Variants in ADGRB3 observed in about 807,000 individuals in gnomAD.
ADGRB3 encodes the protein adhesion G protein-coupled receptor B3, also known as brain-specific angiogenesis inhibitor 3.
Under a neutral mutation model 193.4 loss-of-function variants are expected in ADGRB3, and 37 were observed. The ratio of observed to expected loss-of-function variants is 0.19; its 90% CI spans 0.15 to 0.25. The LOEUF (loss-of-function observed/expected upper bound fraction) is 0.25. Among genes scored for constraint, ADGRB3 ranks in the 10% least tolerant of loss-of-function variants. ADGRB3 has a pLI of 1.00. For missense variants in ADGRB3, 1,637 were observed against 1,852.9 expected (o/e 0.88, Z 2.14); for synonymous variants, 690 against 644.2 (o/e 1.07, Z -1.08).
intron 6 of ADGRB3, among the ~76,000 whole-genome samples, chr6:68,945,836 A>T (rs1350894908): frequency 6.6e-6 from 1 of 152,120 alleles, no homozygotes; most frequent in African/African-American, 2.4e-5. Context: ...TCTTAAGTTG[A>T]TATGGTTGTG....
chr6:68,941,984 A>G (rs1767656140), intron 5 of ADGRB3, among the ~76,000 whole-genome samples: 1 of 151,340 alleles, frequency 6.6e-6, no homozygotes, highest in African/African-American at 2.4e-5. Flanking sequence ...TTTTATGGGA[A>G]AAAAGTAAAA....
chr6:69,163,360 T>C (rs1343338325), intron 17 of ADGRB3, among the ~76,000 whole-genome samples: 1 of 152,122 alleles, frequency 6.6e-6, no homozygotes, highest in Admixed American at 6.6e-5. Context: ...GCAGCTTTTT[T>C]CTACCTCTAT....
intron 3 of ADGRB3, among the ~76,000 whole-genome samples, chr6:68,826,652 C>G (rs1218721878): frequency 6.6e-6 from 1 of 152,080 alleles, no homozygotes; most frequent in Non-Finnish European, 1.5e-5. Context: ...AGCAGGGACA[C>G]CCCAGGAGGC....
At chr6:68,772,910 T>C (rs1157961188) in intron 3 of ADGRB3, among the ~76,000 whole-genome samples, 4 of 48,274 alleles carry the variant, frequency 8.3e-5, no homozygotes, top group African/African-American at 5.1e-4. Flanking sequence ...TATATATATA[T>C]ATATATATAT....
In ADGRB3 at chr6:69,015,554, C is replaced by T. The variant is rs111590177; in HGVS notation, c.1998+1448C>T. 5.2e-4 allele frequency among the ~76,000 whole-genome samples: 79 copies of T among 151,990 alleles called. 2 individuals are homozygous for T. Among genetic ancestry groups the T allele is most frequent in the Admixed American group, 5.1e-3 (77 of 15,230 alleles). On this transcript the variant is annotated intron_variant, in intron 12 of 31. Transcript: ENST00000370598. ...GGGTCTCTTGAGTTTGTGGCACAAA[C>T]GGTGAACTTTGTGGAAATAGATGCT...
intron 20 of ADGRB3, among the ~76,000 whole-genome samples, chr6:69,268,090 G>A (rs946564315): frequency 4.6e-5 from 7 of 152,148 alleles, no homozygotes; most frequent in African/African-American, 1.7e-4. Context: ...AATTCAGCAT[G>A]TATTCTCGTC....
intron 3 of ADGRB3, among the ~76,000 whole-genome samples, chr6:68,868,266 GT>G (rs1490567183): frequency 6.6e-6 from 1 of 152,136 alleles, no homozygotes; most frequent in East Asian, 1.9e-4. Flanking sequence ...TTAAAAGTGT[GT>G]GTCATCCCCC....
intron 8 of ADGRB3, among the ~76,000 whole-genome samples, chr6:68,963,506 C>T (rs900242231): frequency 2.6e-5 from 4 of 152,100 alleles, no homozygotes; most frequent in Admixed American, 6.6e-5. Context: ...CTATCAGCTT[C>T]AATAGCTTTC....
chr6:69,122,313 G>C (rs1467136834), intron 17 of ADGRB3, among the ~76,000 whole-genome samples: 1 of 151,744 alleles, frequency 6.6e-6, no homozygotes, highest in East Asian at 2.0e-4. Flanking sequence ...GTCAGGCGTG[G>C]TGGCACGCGC....
At chr6:68,887,316 T>C (rs1350417460) in intron 3 of ADGRB3, among the ~76,000 whole-genome samples, 2 of 152,214 alleles carry the variant, frequency 1.3e-5, no homozygotes, top group South Asian at 2.1e-4. Context: ...TGCAGTCTAT[T>C]AGCTAGTACA....
chr6:69,030,953 CT>C (rs10716661), intron 13 of ADGRB3, among the ~76,000 whole-genome samples: 12,298 of 35,544 alleles, frequency 0.35, 3,630 homozygotes, highest in Middle Eastern at 0.63. Context: ...CTTTTCTTTT[CT>C]TTTTTTCTTT....
At chr6:68,714,719 G>T (rs536012955) in intron 3 of ADGRB3, among the ~76,000 whole-genome samples, 1 of 151,816 alleles carries the variant, frequency 6.6e-6, no homozygotes, top group South Asian at 2.1e-4. Context: ...CAACAGACTG[G>T]GAAATATAAA....
chr6:68,763,699 A>G (rs550085815), intron 3 of ADGRB3, among the ~76,000 whole-genome samples: 8 of 152,324 alleles, frequency 5.3e-5, no homozygotes, highest in Admixed American at 2.6e-4. Context: ...ATCACACTTT[A>G]TATTTTTTTG....
chr6:69,048,361 G>A, intron 14 of ADGRB3, 27 bp downstream of exon 14: 1 of 1,596,718 alleles, frequency 6.3e-7, no homozygotes, highest in Non-Finnish European at 8.5e-7. Flanking sequence ...ATATGAGCTT[G>A]AACAAGACAT....
intron 20 of ADGRB3, among the ~76,000 whole-genome samples, chr6:69,320,950 T>C (rs1768443441): frequency 6.6e-6 from 1 of 151,592 alleles, no homozygotes; most frequent in Admixed American, 6.6e-5. Flanking sequence ...CCAAATTTCC[T>C]GATTTCTGCC....
intron 12 of ADGRB3, 43 bp from the exon 13 acceptor site, chr6:69,018,348 G>A (rs1770158246): frequency 3.9e-6 from 5 of 1,282,516 alleles, no homozygotes; most frequent in South Asian, 2.7e-5. Context: ...GCCATTGTAT[G>A]TATAGATTTT....
intron 23 of ADGRB3, chr6:69,331,409 A>G (rs901261427): frequency 3.3e-6 from 1 of 305,376 alleles, no homozygotes; most frequent in African/African-American, 2.3e-5. Flanking sequence ...ATAAATATTC[A>G]TATTGCTATA....
chr6:69,371,355 G>A (rs1390326525), intron 29 of ADGRB3, among the ~76,000 whole-genome samples: 2 of 152,018 alleles, frequency 1.3e-5, no homozygotes, highest in Non-Finnish European at 2.9e-5. Flanking sequence ...ATGTTCAAGA[G>A]TTAAAATGCA....
chr6:68,712,330 C>G (rs1044682798), intron 3 of ADGRB3, among the ~76,000 whole-genome samples: 1 of 152,024 alleles, frequency 6.6e-6, no homozygotes, highest in African/African-American at 2.4e-5. Context: ...ATCGACACCA[C>G]AGGCATTCAG....
Sources: allele counts gnomAD v4.1 joint callset (sites outside exome capture counted in the v4.1 genomes callset), GRCh38; gene constraint gnomAD v4.1.1; transcripts MANE v1.5; gene names NCBI Gene and HGNC (gene_info 2026-07-23, HGNC 2026-07-21).